Variants in PACRG observed in about 807,000 individuals in gnomAD.
The protein encoded by PACRG is parkin coregulated gene protein.
PACRG carries 29 observed loss-of-function variants against 29.7 expected under a neutral mutation model. The ratio of observed to expected loss-of-function variants is 0.98; its 90% CI spans 0.73 to 1.33. The LOEUF is 1.33. Among genes scored for constraint, PACRG ranks in the 40% most tolerant of loss-of-function variants. The pLI, the probability that PACRG is intolerant of heterozygous loss-of-function variation, is 0.00. For synonymous variants in PACRG, 116 were observed against 118.7 expected (o/e 0.98, Z 0.15); for missense variants, 279 against 316.2 (o/e 0.88, Z 0.89).
intron 4 of PACRG, among the ~76,000 whole-genome samples, chr6:163,210,885 G>A (rs1781108877): frequency 6.6e-6 from 1 of 152,206 alleles, no homozygotes; most frequent in Non-Finnish European, 1.5e-5. Context: ...GCAGCCAAAA[G>A]TTGACCTGGT....
chr6:163,227,176 T>C (rs992365679), intron 4 of PACRG, among the ~76,000 whole-genome samples: 1 of 152,194 alleles, frequency 6.6e-6, no homozygotes, highest in African/African-American at 2.4e-5. Context: ...CAGGAAGCAT[T>C]GTGCTGCCAT....
intron 4 of PACRG, among the ~76,000 whole-genome samples, chr6:163,140,361 GA>G (rs1198059623): frequency 6.6e-6 from 1 of 152,190 alleles, no homozygotes; most frequent in Non-Finnish European, 1.5e-5. Context: ...CCATGGGGTA[GA>G]GAGGATGAGA....
At chr6:162,947,153 C>G (rs537395665) in intron 2 of PACRG, among the ~76,000 whole-genome samples, 1 of 150,618 alleles carries the variant, frequency 6.6e-6, no homozygotes, top group Non-Finnish European at 1.5e-5. Context: ...AAAAGACATC[C>G]AAATGGGAGA....
intron 2 of PACRG, among the ~76,000 whole-genome samples, chr6:162,943,403 T>C (rs1798769612): frequency 6.6e-6 from 1 of 152,132 alleles, no homozygotes; most frequent in South Asian, 2.1e-4. Context: ...TGTGCATTTA[T>C]AAGTGCCCTG....
At chr6:163,198,754 A>G (rs1353029065) in intron 4 of PACRG, among the ~76,000 whole-genome samples, 1 of 152,172 alleles carries the variant, frequency 6.6e-6, no homozygotes, top group African/African-American at 2.4e-5. Flanking sequence ...TTCTTTTGCC[A>G]AGGTTGAGGA....
At chr6:163,246,326 C>T (rs1042859197) in intron 4 of PACRG, among the ~76,000 whole-genome samples, 1 of 152,114 alleles carries the variant, frequency 6.6e-6, no homozygotes, top group Non-Finnish European at 1.5e-5. Flanking sequence ...GGCCTTTGCA[C>T]CAGCTCCTTC....
chr6:163,107,930 C>G (rs1815475208), intron 4 of PACRG, among the ~76,000 whole-genome samples: 1 of 152,168 alleles, frequency 6.6e-6, no homozygotes, highest in African/African-American at 2.4e-5. Context: ...GTTTGCATTT[C>G]AAGTTATTTT....
At chr6:162,996,473 T>A (rs1021348024) in intron 2 of PACRG, among the ~76,000 whole-genome samples, 3 of 152,074 alleles carry the variant, frequency 2.0e-5, no homozygotes, top group Admixed American at 6.5e-5. Flanking sequence ...AAAACCATTA[T>A]ACACAAAGAT....
intron 2 of PACRG, among the ~76,000 whole-genome samples, chr6:163,000,928 C>T (rs189225950): frequency 6.6e-6 from 1 of 152,302 alleles, no homozygotes; most frequent in African/African-American, 2.4e-5. Flanking sequence ...ACTTAGGGAG[C>T]TCTTAGCCCA....
chr6:163,095,192 T>C, intron 4 of PACRG: 3 of 924,440 alleles, frequency 3.2e-6, no homozygotes, highest in Non-Finnish European at 3.9e-6. Context: ...CTACACATGC[T>C]TATGAGGTTA....
chr6:162,871,110 A>G (rs1584603523), intron 2 of PACRG, among the ~76,000 whole-genome samples: 1 of 152,226 alleles, frequency 6.6e-6, no homozygotes, highest in East Asian at 1.9e-4. Context: ...GGGGGTGGTA[A>G]CATACTCTAG....
intron 4 of PACRG, among the ~76,000 whole-genome samples, chr6:163,176,263 G>A (rs1190224843): frequency 6.6e-6 from 1 of 152,154 alleles, no homozygotes; most frequent in Non-Finnish European, 1.5e-5. Context: ...ACACTTCACT[G>A]GTTCTCTTTT....
At chr6:162,908,999 C>T (rs1796119492) in intron 2 of PACRG, among the ~76,000 whole-genome samples, 1 of 152,216 alleles carries the variant, frequency 6.6e-6, no homozygotes, top group South Asian at 2.1e-4. Flanking sequence ...TGCTACTCTT[C>T]TCTCAAGAGG....
intron 3 of PACRG, among the ~76,000 whole-genome samples, chr6:163,080,236 T>G (rs1812958666): frequency 6.6e-6 from 1 of 152,086 alleles, no homozygotes; most frequent in Non-Finnish European, 1.5e-5. Context: ...GATGCAGCAT[T>G]CTCTTGGTTT....
At chr6:163,249,126 T>A (rs1349168508) in intron 4 of PACRG, among the ~76,000 whole-genome samples, 1 of 151,244 alleles carries the variant, frequency 6.6e-6, no homozygotes, top group South Asian at 2.1e-4. Flanking sequence ...TTCTTAGCCA[T>A]AACAGAATGA....
intron 4 of PACRG, among the ~76,000 whole-genome samples, chr6:163,304,980 T>C (rs997360859): frequency 6.6e-6 from 1 of 152,196 alleles, no homozygotes; most frequent in African/African-American, 2.4e-5. Context: ...AAACAGACTA[T>C]TAACTATGAT....
At chr6:162,772,238 A>G (rs1783277057) in intron 1 of PACRG, among the ~76,000 whole-genome samples, 1 of 152,176 alleles carries the variant, frequency 6.6e-6, no homozygotes, top group African/African-American at 2.4e-5. Context: ...AATAGAAATT[A>G]TTTTTAAAAA....
intron 2 of PACRG, among the ~76,000 whole-genome samples, chr6:163,026,181 G>GAAC (rs1453250593): frequency 6.6e-6 from 1 of 152,032 alleles, no homozygotes; most frequent in African/African-American, 2.4e-5. Flanking sequence ...TGATAAAAGG[G>GAAC]AACAACATAA....
At chr6:163,006,635 ACT>A (rs757011714) in intron 2 of PACRG, among the ~76,000 whole-genome samples, 2 of 151,616 alleles carry the variant, frequency 1.3e-5, no homozygotes, top group African/African-American at 2.4e-5. Context: ...TAGGTGCATA[ACT>A]CTTTAGAATT....
Sources: gnomAD v4.1 joint callset for allele counts (sites outside exome capture counted in the v4.1 genomes callset) on GRCh38, gnomAD v4.1.1 for gene constraint, MANE v1.5 for transcripts, NCBI Gene and HGNC (gene_info 2026-07-23, HGNC 2026-07-21) for gene names.